SERGEF: variants seen among roughly 807,000 people sequenced by gnomAD.
SERGEF encodes the protein secretion-regulating guanine nucleotide exchange factor.
A neutral mutation model predicts 50.0 loss-of-function variants in SERGEF; 51 were observed. The ratio of observed to expected loss-of-function variants is 1.02; its 90% CI spans 0.81 to 1.29. The LOEUF (loss-of-function observed/expected upper bound fraction) is 1.29, where lower values mean the gene tolerates loss of function less well. Ranked by LOEUF, SERGEF falls within the 50% of genes most tolerant of loss-of-function variation. The probability of loss-of-function intolerance (pLI) is 0.00; values close to 1 mark genes in which losing one functional copy is unlikely to be tolerated. For synonymous variants in SERGEF, 205 were observed against 212.4 expected (o/e 0.97, Z 0.30); for missense variants, 521 against 557.0 (o/e 0.94, Z 0.65).
chr11:17,957,355 C>T (rs1327699251), intron 9 of SERGEF, among the ~76,000 whole-genome samples: 2 of 152,188 alleles, frequency 1.3e-5, no homozygotes, highest in African/African-American at 4.8e-5. Context: ...TTATCCTTAC[C>T]AATACCAATA....
chr11:18,012,597 C>T (rs1367591733), intron 1 of SERGEF: 15 of 1,179,624 alleles, frequency 1.3e-5, no homozygotes, highest in Non-Finnish European at 1.6e-5. Flanking sequence ...GCTCTGGGAC[C>T]GGGCGATCCT....
intron 10 of SERGEF, chr11:17,853,476 C>T (rs985257909): frequency 6.6e-6 from 1 of 152,216 alleles, no homozygotes; most frequent in East Asian, 1.9e-4. Context: ...CTGGGCTGGC[C>T]TTGTTTACTG....
At chr11:17,876,657 C>T (rs140565764) in intron 10 of SERGEF, among the ~76,000 whole-genome samples, 2,339 of 152,350 alleles carry the variant, frequency 0.015, 30 homozygotes, top group Middle Eastern at 0.044. Flanking sequence ...CCCCAGGCTG[C>T]CTACGTCAGC....
intron 10 of SERGEF, among the ~76,000 whole-genome samples, chr11:17,849,281 C>T (rs933031692): frequency 6.6e-6 from 1 of 152,192 alleles, no homozygotes; most frequent in Non-Finnish European, 1.5e-5. Context: ...ATCTCTTGTT[C>T]TCCTAGTCAA....
Position 18,008,017 on chromosome 11 carries a change from C to T in SERGEF, c.120G>A (p.Gln40=). 2 of 1,614,112 alleles carry T rather than the reference C, an allele frequency of 1.2e-6. No homozygotes were observed. Among genetic ancestry groups the T allele is most frequent in the Non-Finnish European group, 1.7e-6 (2 of 1,179,962 alleles). Residue 40 remains glutamine (Q), a synonymous_variant, in exon 2 of 11, where the codon CAG becomes CAA. Coordinates refer to ENST00000265965, the MANE Select transcript of SERGEF (RefSeq NM_012139.4). ...TGGGTTTACAGAAGTCATTCAGTTG[C>T]TGGGGCAACAGCACATCTTCCTTAT... ...LGHKEDVLLP[Q]QLNDFCKPRS...
chr11:17,886,837 A>G (rs944025082), intron 9 of SERGEF, among the ~76,000 whole-genome samples: 3 of 152,170 alleles, frequency 2.0e-5, no homozygotes, highest in Admixed American at 6.5e-5. Flanking sequence ...TGTCTTCATC[A>G]TAAATGGCCG....
chr11:17,914,314 G>C (rs951314285), intron 9 of SERGEF, among the ~76,000 whole-genome samples: 1 of 152,336 alleles, frequency 6.6e-6, no homozygotes, highest in Admixed American at 6.5e-5. Flanking sequence ...TACCTGAGGA[G>C]CTCTTACAAA....
intron 9 of SERGEF, among the ~76,000 whole-genome samples, chr11:17,919,465 C>T (rs1052067322): frequency 3.9e-5 from 6 of 152,048 alleles, no homozygotes; most frequent in African/African-American, 1.4e-4. Context: ...TTACAGAACA[C>T]AGTAAGTGAT....
intron 9 of SERGEF, among the ~76,000 whole-genome samples, chr11:17,904,261 AG>A (rs1851799602): frequency 6.6e-6 from 1 of 152,244 alleles, no homozygotes; most frequent in African/African-American, 2.4e-5. Flanking sequence ...GAAGTCCTCA[AG>A]GAAAAGAGTG....
intron 10 of SERGEF, among the ~76,000 whole-genome samples, chr11:17,836,402 G>T (rs1850398507): frequency 6.6e-6 from 1 of 152,162 alleles, no homozygotes; most frequent in African/African-American, 2.4e-5. Flanking sequence ...ATACTTTCAT[G>T]CCTCCTTCAT....
At position 17,852,640 on chromosome 11, in the gene SERGEF, G is replaced by A. The variant is rs1182318764; in HGVS notation, c.1048+25568C>T. Among the ~76,000 whole-genome samples the A allele has an allele frequency of 9.9e-5, 15 of 152,186 alleles. No individual in the cohort carries two copies. In the East Asian group the frequency reaches 2.9e-3, roughly 29 times the overall value. ...ATAATAAAGGACAAAAGGAATCAGG[G>A]TCAGGGAAGGTAACAGGAAAGAAGA... is the stretch of plus-strand genomic sequence containing the variant. On this transcript the variant is annotated intron_variant, in intron 10 of 10. Coordinates refer to ENST00000265965, the MANE Select transcript of SERGEF (RefSeq NM_012139.4).
At chr11:17,807,906 A>G (rs1849792477) in intron 10 of SERGEF, among the ~76,000 whole-genome samples, 1 of 152,188 alleles carries the variant, frequency 6.6e-6, no homozygotes, top group African/African-American at 2.4e-5. Context: ...TGAAGACCAG[A>G]ACAAGGTGTT....
At chr11:17,937,199 A>C (rs938202976) in intron 9 of SERGEF, among the ~76,000 whole-genome samples, 1 of 152,172 alleles carries the variant, frequency 6.6e-6, no homozygotes, top group Admixed American at 6.5e-5. Flanking sequence ...ATAATGTCTC[A>C]TATTTTTAAA....
At chr11:17,823,279 T>C (rs1205440753) in intron 10 of SERGEF, among the ~76,000 whole-genome samples, 1 of 152,192 alleles carries the variant, frequency 6.6e-6, no homozygotes, top group Admixed American at 6.5e-5. Context: ...CATCACACTA[T>C]ATAAAAGTTA....
chr11:17,796,426 A>G (rs935546826), intron 10 of SERGEF, among the ~76,000 whole-genome samples: 6 of 152,236 alleles, frequency 3.9e-5, no homozygotes, highest in African/African-American at 7.2e-5. Flanking sequence ...AGAGGCAATC[A>G]GGTCATGAGG....
chr11:17,986,493 G>A (rs1853599166), intron 8 of SERGEF, among the ~76,000 whole-genome samples: 2 of 152,224 alleles, frequency 1.3e-5, no homozygotes, highest in Non-Finnish European at 2.9e-5. Context: ...GAAACCTGAC[G>A]CTGAGCTCCA....
intron 9 of SERGEF, among the ~76,000 whole-genome samples, chr11:17,903,828 G>A (rs1435198382): frequency 6.6e-6 from 1 of 152,266 alleles, no homozygotes; most frequent in African/African-American, 2.4e-5. Flanking sequence ...CAGAACTGAG[G>A]AGTCATTAAT....
chr11:17,844,207 T>A (rs1196836709), intron 10 of SERGEF, among the ~76,000 whole-genome samples: 4 of 152,204 alleles, frequency 2.6e-5, no homozygotes, highest in African/African-American at 9.6e-5. Context: ...CAAATGACCT[T>A]TAGTCATTTT....
intron 10 of SERGEF, among the ~76,000 whole-genome samples, chr11:17,860,205 T>C (rs1376134585): frequency 6.6e-6 from 1 of 152,232 alleles, no homozygotes; most frequent in East Asian, 1.9e-4. Context: ...TGGGAACAAT[T>C]AGTAATTGGT....
Sources: gnomAD v4.1 joint callset for allele counts (sites outside exome capture counted in the v4.1 genomes callset) on GRCh38, gnomAD v4.1.1 for gene constraint, MANE v1.5 for transcripts, NCBI Gene and HGNC (gene_info 2026-07-23, HGNC 2026-07-21) for gene names.